The following EHBP1 variants were observed in gnomAD, a reference collection of about 807,000 sequenced individuals.
The protein encoded by EHBP1 is EH domain binding protein 1, also known as EH domain-binding protein 1.
Under a neutral mutation model 144.0 loss-of-function variants are expected in EHBP1, and 55 were observed. The observed-to-expected ratio is 0.38, with a 90% CI of 0.31 to 0.48. The LOEUF is 0.48. Among genes scored for constraint, EHBP1 ranks in the 20% least tolerant of loss-of-function variants. The probability of loss-of-function intolerance (pLI) is 0.98; values close to 1 mark genes in which losing one functional copy is unlikely to be tolerated. For missense variants in EHBP1, 1,200 were observed against 1,364.2 expected, an observed-to-expected ratio of 0.88 and a Z score of 1.90; for synonymous variants, 469 against 472.7, an observed-to-expected ratio of 0.99 and a Z score of 0.10.
chr2:62,869,506 T>A (rs1393482817), intron 9 of EHBP1, among the ~76,000 whole-genome samples: 1 of 152,148 alleles, frequency 6.6e-6, no homozygotes, highest in Non-Finnish European at 1.5e-5. Context: ...TTATACTGAG[T>A]GAAAGAAGAC....
At chr2:62,717,722 A>G (rs924346742) in intron 2 of EHBP1, among the ~76,000 whole-genome samples, 12 of 152,182 alleles carry the variant, frequency 7.9e-5, no homozygotes, top group South Asian at 4.1e-4. Context: ...TTTTTAAAAA[A>G]AACCTATAAA....
rs907526471 is a variant in EHBP1 at position 62,831,109 on chromosome 2, T to C, written c.585T>C (p.Asp195=). The stretch of plus-strand genomic sequence containing the variant: ...ATGACTTCGAAGAAGATAATGAAGA[T>C]GATGATGAGAACAGAGTGAACCAAG... The part of the protein sequence containing the change: ...NLDDFEEDNE[D]DDENRVNQEE... The change falls in exon 7 of 23, where the codon GAT becomes GAC. Residue 195 remains aspartate (D), a synonymous_variant. Coordinates refer to ENST00000431489, the MANE Select transcript of EHBP1 (RefSeq NM_001142616.3). 2 of 1,609,458 alleles carry C rather than the reference T, an allele frequency of 1.2e-6. No individual in the cohort carries two copies. The highest frequency in any genetic ancestry group is 1.7e-6 in the Non-Finnish European group (2 of 1,178,578).
At chr2:63,035,396 CA>C (rs1471747127) in intron 19 of EHBP1, among the ~76,000 whole-genome samples, 3 of 152,048 alleles carry the variant, frequency 2.0e-5, no homozygotes, top group African/African-American at 7.2e-5. Context: ...TGTTATTAGT[CA>C]TTTCCTAACA....
intron 10 of EHBP1, among the ~76,000 whole-genome samples, chr2:62,881,094 C>G (rs2051372224): frequency 6.6e-6 from 1 of 152,038 alleles, no homozygotes; most frequent in African/African-American, 2.4e-5. Flanking sequence ...CTTTGCAGCA[C>G]ATGGATGGAG....
intron 1 of EHBP1, among the ~76,000 whole-genome samples, chr2:62,686,654 G>T (rs1030525619): frequency 6.6e-6 from 1 of 152,162 alleles, no homozygotes; most frequent in African/African-American, 2.4e-5. Flanking sequence ...GAGAAAAGTG[G>T]AACATTTTAT....
chr2:62,890,918 C>T (rs1181444244), intron 10 of EHBP1, among the ~76,000 whole-genome samples: 1 of 152,142 alleles, frequency 6.6e-6, no homozygotes, highest in African/African-American at 2.4e-5. Context: ...CGGCGGCTCA[C>T]GCCTGTAATC....
intron 21 of EHBP1, chr2:63,044,565 A>G (rs998374612): frequency 3.3e-5 from 5 of 152,998 alleles, no homozygotes; most frequent in African/African-American, 1.2e-4. Flanking sequence ...TCCAACTGCT[A>G]AAATAGAGCG....
chr2:62,691,610 A>G (rs569844107), intron 1 of EHBP1, among the ~76,000 whole-genome samples: 2 of 152,240 alleles, frequency 1.3e-5, no homozygotes, highest in East Asian at 3.9e-4. Flanking sequence ...ACTCCTCCAG[A>G]CCTCCTAAAT....
chr2:62,787,861 T>C (rs1239683613), intron 5 of EHBP1, among the ~76,000 whole-genome samples: 1 of 152,246 alleles, frequency 6.6e-6, no homozygotes. Flanking sequence ...AACAATACTT[T>C]TTATATGTGT....
chr2:62,968,316 G>A (rs1325455913), intron 14 of EHBP1, among the ~76,000 whole-genome samples: 2 of 152,096 alleles, frequency 1.3e-5, no homozygotes, highest in African/African-American at 2.4e-5. Flanking sequence ...GGTTCTTTGG[G>A]TGGCTTTATT....
chr2:62,874,427 G>A lies in EHBP1; in HGVS notation c.1080G>A (p.Arg360=), dbSNP rs554070334. Reference sequence around the variant, plus strand: ...CTGTTCAAGAACTAGAAACTGAAAGGCGAGTGAAAAGAAAGGCCCCGGCTC... The same window carrying A: ...CTGTTCAAGAACTAGAAACTGAAAGACGAGTGAAAAGAAAGGCCCCGGCTC... The part of the protein sequence containing the change: ...VNPVQELETE[R]RVKRKAPAPP... Residue 360 remains arginine, a synonymous_variant, in exon 10 of 23, where the codon AGG becomes AGA. Coordinates refer to ENST00000431489, the MANE Select transcript of EHBP1 (RefSeq NM_001142616.3). 1.9e-6 allele frequency: 3 copies of A among 1,613,314 alleles called. No homozygotes were observed. Among genetic ancestry groups the A allele is most frequent in the Non-Finnish European group, 2.5e-6 (3 of 1,179,634 alleles).
At chr2:62,775,588 A>G (rs753523170) in intron 5 of EHBP1, among the ~76,000 whole-genome samples, 1 of 152,210 alleles carries the variant, frequency 6.6e-6, no homozygotes, top group Non-Finnish European at 1.5e-5. Flanking sequence ...ATTAGTAACA[A>G]AGAGTGAAGT....
At chr2:62,816,509 C>G (rs893513251) in intron 5 of EHBP1, among the ~76,000 whole-genome samples, 2 of 152,054 alleles carry the variant, frequency 1.3e-5, no homozygotes, top group African/African-American at 4.8e-5. Context: ...AACTGTTAGT[C>G]TAAACTCTCC....
At chr2:62,765,857 A>G (rs1317663958) in intron 4 of EHBP1, among the ~76,000 whole-genome samples, 2 of 152,152 alleles carry the variant, frequency 1.3e-5, no homozygotes, top group Non-Finnish European at 2.9e-5. Flanking sequence ...CTTGCTTTCT[A>G]AAGTAGTACT....
intron 10 of EHBP1, among the ~76,000 whole-genome samples, chr2:62,902,734 T>C (rs1301780463): frequency 6.6e-6 from 1 of 152,206 alleles, no homozygotes; most frequent in Non-Finnish European, 1.5e-5. Context: ...AAAATAATTA[T>C]ATGTATGATG....
At chr2:63,037,252 C>T (rs1300906425) in intron 19 of EHBP1, among the ~76,000 whole-genome samples, 1 of 151,784 alleles carries the variant, frequency 6.6e-6, no homozygotes, top group Non-Finnish European at 1.5e-5. Flanking sequence ...AGCAAGTCAG[C>T]CTCTAGGGAG....
intron 5 of EHBP1, among the ~76,000 whole-genome samples, chr2:62,789,176 A>T (rs1361746151): frequency 2.0e-5 from 3 of 152,192 alleles, no homozygotes; most frequent in Non-Finnish European, 2.9e-5. Context: ...TGCCATTAAT[A>T]AGAGTGCTCT....
chr2:62,748,926 A>G (rs762039909), intron 3 of EHBP1, among the ~76,000 whole-genome samples: 21 of 152,180 alleles, frequency 1.4e-4, no homozygotes, highest in Non-Finnish European at 2.9e-4. Flanking sequence ...TTTGATCAAT[A>G]TGTATACTTG....
intron 5 of EHBP1, among the ~76,000 whole-genome samples, chr2:62,785,743 C>T (rs2152431342): frequency 6.6e-6 from 1 of 152,186 alleles, no homozygotes; most frequent in South Asian, 2.1e-4. Flanking sequence ...CTTTTTCTTA[C>T]ATTGGTTTCT....
Sources: gnomAD v4.1 joint callset for allele counts (sites outside exome capture counted in the v4.1 genomes callset) on GRCh38, gnomAD v4.1.1 for gene constraint, MANE v1.5 for transcripts, NCBI Gene and HGNC (gene_info 2026-07-23, HGNC 2026-07-21) for gene names.